Variants in CAMTA1 observed in about 807,000 individuals in gnomAD.
CAMTA1 encodes calmodulin binding transcription activator 1, also known as calmodulin-binding transcription activator 1.
A neutral mutation model predicts 170.9 loss-of-function variants in CAMTA1; 27 were observed. The ratio of observed to expected loss-of-function variants is 0.16; its 90% confidence interval spans 0.12 to 0.22. The LOEUF (loss-of-function observed/expected upper bound fraction) is 0.22. Among genes scored for constraint, CAMTA1 ranks in the 10% least tolerant of loss-of-function variants. The pLI, the probability that CAMTA1 is intolerant of heterozygous loss-of-function variation, is 1.00. For synonymous variants in CAMTA1, 833 were observed against 891.5 expected (o/e 0.93, Z 1.17); for missense variants, 1,619 against 2,217.2 (o/e 0.73, Z 5.42).
At chr1:7,128,566 G>A (rs1462479012) in intron 4 of CAMTA1, among the ~76,000 whole-genome samples, 1 of 152,158 alleles carries the variant, frequency 6.6e-6, no homozygotes, top group Non-Finnish European at 1.5e-5. Flanking sequence ...AGAAAAGTCA[G>A]ATCATGTCAG....
chr1:6,999,228 A>C (rs1410775688), intron 3 of CAMTA1, among the ~76,000 whole-genome samples: 2 of 152,136 alleles, frequency 1.3e-5, no homozygotes, highest in Admixed American at 1.3e-4. Flanking sequence ...ATATAAACAT[A>C]GGGTTTGTCT....
intron 5 of CAMTA1, among the ~76,000 whole-genome samples, chr1:7,259,333 C>T (rs568919449): frequency 2.6e-5 from 4 of 152,308 alleles, no homozygotes; most frequent in Non-Finnish European, 5.9e-5. Flanking sequence ...AAACCTGAGA[C>T]CGGCGCAAAT....
At chr1:7,077,470 G>A (rs1296432333) in intron 3 of CAMTA1, among the ~76,000 whole-genome samples, 5 of 151,904 alleles carry the variant, frequency 3.3e-5, no homozygotes, top group Admixed American at 2.0e-4. Flanking sequence ...GAGTCTCCCC[G>A]TTTGCCAGCC....
chr1:7,707,836 T>A (rs533552119), intron 11 of CAMTA1, among the ~76,000 whole-genome samples: 10 of 152,286 alleles, frequency 6.6e-5, no homozygotes, highest in Admixed American at 6.5e-4. Flanking sequence ...TCAGTTAGAG[T>A]CTTCTCCTCT....
intron 4 of CAMTA1, among the ~76,000 whole-genome samples, chr1:7,242,724 C>T (rs1236345094): frequency 6.6e-6 from 1 of 151,504 alleles, no homozygotes; most frequent in Non-Finnish European, 1.5e-5. Flanking sequence ...GTCAGGAGAT[C>T]GAGACCATCC....
intron 10 of CAMTA1, chr1:7,672,207 T>G: frequency 2.6e-6 from 1 of 384,704 alleles, no homozygotes; most frequent in Non-Finnish European, 5.2e-6. Flanking sequence ...AGACTGGGGG[T>G]GAGGAGGAAA....
chr1:7,531,550 G>A (rs1023567432), intron 6 of CAMTA1, among the ~76,000 whole-genome samples: 2 of 152,230 alleles, frequency 1.3e-5, no homozygotes, highest in African/African-American at 2.4e-5. Flanking sequence ...AGATCTCCAG[G>A]AAGGAGATCA....
chr1:7,008,401 G>A (rs1201901599), intron 3 of CAMTA1: 1 of 152,386 alleles, frequency 6.6e-6, no homozygotes, highest in Non-Finnish European at 1.5e-5. Context: ...TGCTTTAATT[G>A]ATGTGGACAG....
intron 6 of CAMTA1, among the ~76,000 whole-genome samples, chr1:7,501,803 C>T (rs1305488042): frequency 2.0e-5 from 3 of 152,100 alleles, no homozygotes; most frequent in African/African-American, 7.2e-5. Context: ...CCTACTAAAG[C>T]AATAGAGTCT....
chr1:6,803,919 A>G (rs1355346065), intron 1 of CAMTA1, among the ~76,000 whole-genome samples: 1 of 151,368 alleles, frequency 6.6e-6, no homozygotes, highest in Admixed American at 6.6e-5. Flanking sequence ...ATGGTGGCTC[A>G]CGCCTGTAAT....
intron 5 of CAMTA1, among the ~76,000 whole-genome samples, chr1:7,289,728 C>T (rs1283436049): frequency 6.6e-6 from 1 of 152,142 alleles, no homozygotes; most frequent in Non-Finnish European, 1.5e-5. Context: ...ATAGGACACA[C>T]AGACTCAGGG....
At chr1:6,800,995 C>T (rs945644504) in intron 1 of CAMTA1, among the ~76,000 whole-genome samples, 1 of 152,156 alleles carries the variant, frequency 6.6e-6, no homozygotes, top group African/African-American at 2.4e-5. Flanking sequence ...AAGTTTCTTC[C>T]TCATTTGGTT....
chr1:6,934,613 G>C lies in CAMTA1; in HGVS notation c.234+109403G>C, dbSNP rs1235698761. 6.6e-6 allele frequency among the ~76,000 whole-genome samples: 1 copy of C among 152,182 alleles called. No individual in the cohort carries two copies. The highest frequency in any genetic ancestry group is 1.5e-5 in the Non-Finnish European group (1 of 68,024). On this transcript the variant is annotated intron_variant, in intron 3 of 22. Transcript: ENST00000303635. This position sits in a 1 kb window ranked among gnomAD's most constrained non-coding sequence, Gnocchi z 4.5. Reference sequence around the variant, plus strand: ...GTACTGTGGAATCCTTGCCTTCCAGGGGAGACCTGTGGCCGGCAGGAGCTG... The same window carrying C: ...GTACTGTGGAATCCTTGCCTTCCAGCGGAGACCTGTGGCCGGCAGGAGCTG...
chr1:7,114,583 G>C (rs1021225305), intron 4 of CAMTA1, among the ~76,000 whole-genome samples: 39 of 152,334 alleles, frequency 2.6e-4, no homozygotes, highest in African/African-American at 9.1e-4. Flanking sequence ...GCTTGACATA[G>C]GCAAAGAGAT....
intron 5 of CAMTA1, among the ~76,000 whole-genome samples, chr1:7,406,935 G>A (rs2090338950): frequency 6.6e-6 from 1 of 152,202 alleles, no homozygotes; most frequent in Non-Finnish European, 1.5e-5. Context: ...AACTGTGAGA[G>A]GGGACATTCT....
In CAMTA1 at chr1:7,224,508, A is replaced by ATT. The variant is rs1661351445; in HGVS notation, c.303-24983_303-24982insTT. Among the ~76,000 whole-genome samples, 1 of 152,198 alleles carries ATT rather than the reference A, an allele frequency of 6.6e-6. No homozygotes were observed. The highest frequency in any genetic ancestry group is 1.5e-5 in the Non-Finnish European group (1 of 68,024). ...TTTCTGAAACTATTTTCCACTTGCT[A>ATT]AAATTAAGGTTATTATTATTATTTT... On this transcript the variant is annotated intron_variant, in intron 4 of 22. Coordinates refer to ENST00000303635, the MANE Select transcript of CAMTA1 (RefSeq NM_015215.4). This position sits in a 1 kb window ranked among gnomAD's most constrained non-coding sequence, Gnocchi z 5.2.
Position 7,758,751 on chromosome 1 carries a change from T to C in CAMTA1, c.4989+3083T>C, listed in dbSNP as rs868782787. On this transcript the variant is annotated intron_variant, in intron 22 of 22. Transcript: ENST00000303635. Reference sequence around the variant, plus strand: ...GAGATCGAGACCATCCTGGCTAACATGGTGAAACCCCGTCTCTACTGAAAA... The same window carrying C: ...GAGATCGAGACCATCCTGGCTAACACGGTGAAACCCCGTCTCTACTGAAAA... 3.4e-3 allele frequency among the ~76,000 whole-genome samples: 512 copies of C among 152,028 alleles called. 3 individuals are homozygous for C. The highest frequency in any genetic ancestry group is 0.012 in the African/African-American group (493 of 41,486).
At position 7,024,045 on chromosome 1, in the gene CAMTA1, AG is replaced by A. The variant is rs372736972; in HGVS notation, c.235-67258del. On this transcript the variant is annotated intron_variant, in intron 3 of 22. Transcript: ENST00000303635. ...CTCTGTCTCAAAAAAAAAAAAAAAA[AG>A]AAAGAAAGAAAGAAAGAAACAAATA... 2.6e-3 allele frequency among the ~76,000 whole-genome samples: 365 copies of A among 139,334 alleles called. 6 individuals carry two copies. The highest frequency in any genetic ancestry group is 9.7e-3 in the African/African-American group (313 of 32,394). The allele number at this position is 139,334 out of a possible 152,430, so 91.4% of individuals were successfully genotyped here. A position where few individuals can be genotyped will look rare whatever the true frequency, so the allele number is the denominator to read the frequency against.
Position 7,456,024 on chromosome 1 carries a change from G to C in CAMTA1, c.439-11806G>C, listed in dbSNP as rs1169167084. On this transcript the variant is annotated intron_variant, in intron 5 of 22. Coordinates refer to ENST00000303635, the MANE Select transcript of CAMTA1 (RefSeq NM_015215.4). The surrounding 1 kb of genome is among the most constrained non-coding windows in gnomAD (Gnocchi z 4.9). ...TGAGGCTGAAATACACAACACCCCT[G>C]CTGGCCTAACAGGCTGTTGATAAGG... Among the ~76,000 whole-genome samples, 1 of 152,182 alleles carries C rather than the reference G, an allele frequency of 6.6e-6. No homozygotes were observed. Among genetic ancestry groups the C allele is most frequent in the East Asian group, 1.9e-4 (1 of 5,190 alleles).
Sources: gnomAD v4.1 joint callset for allele counts (sites outside exome capture counted in the v4.1 genomes callset) on GRCh38, gnomAD v4.1.1 for gene constraint, Gnocchi (gnomAD v3.1) non-coding constraint, MANE v1.5 for transcripts, NCBI Gene and HGNC (gene_info 2026-07-23, HGNC 2026-07-21) for gene names.